CNTNAP2: variants seen among roughly 807,000 people sequenced by gnomAD.
The protein encoded by CNTNAP2 is contactin associated protein 2, also known as contactin-associated protein-like 2.
CNTNAP2 carries 98 observed loss-of-function variants against 155.2 expected under a neutral mutation model. The ratio of observed to expected loss-of-function variants is 0.63; its 90% CI spans 0.54 to 0.75. CNTNAP2 has a LOEUF of 0.75. Ranked by LOEUF, CNTNAP2 falls within the 30% of genes least tolerant of loss-of-function variation. The pLI is 0.00. For missense variants in CNTNAP2, 1,727 were observed against 1,688.1 expected (o/e 1.02, Z -0.40); for synonymous variants, 651 against 631.2 (o/e 1.03, Z -0.47).
Position 148,208,190 on chromosome 7 carries a change from AG to A in CNTNAP2, c.3011-9096del, listed in dbSNP as rs1291949480. On this transcript the variant is annotated intron_variant, in intron 18 of 23. Transcript: ENST00000361727. ...GTGCCCAAGAGAGAACAGATGCAAAAGGTTACGAGGCAATGCAAACAGAGAG... is the reference window on the plus strand; with the variant it reads ...GTGCCCAAGAGAGAACAGATGCAAAAGTTACGAGGCAATGCAAACAGAGAG... 2.6e-5 allele frequency among the ~76,000 whole-genome samples: 4 copies of A among 152,192 alleles called. No homozygotes were observed. In the East Asian group the frequency reaches 7.7e-4, roughly 29 times the overall value.
chr7:146,947,416 A>G (rs202165892), intron 3 of CNTNAP2, among the ~76,000 whole-genome samples: 2 of 135,960 alleles, frequency 1.5e-5, no homozygotes, highest in African/African-American at 5.7e-5. Flanking sequence ...CTCTCTATAT[A>G]TATATATATA....
At chr7:146,502,383 C>T (rs1232945063) in intron 1 of CNTNAP2, among the ~76,000 whole-genome samples, 1 of 151,114 alleles carries the variant, frequency 6.6e-6, no homozygotes, top group Non-Finnish European at 1.5e-5. Context: ...TACTGATTTC[C>T]TTTATTTTGG....
At chr7:146,223,115 C>T (rs1038260277) in intron 1 of CNTNAP2, among the ~76,000 whole-genome samples, 1 of 152,098 alleles carries the variant, frequency 6.6e-6, no homozygotes, top group Non-Finnish European at 1.5e-5. Context: ...GACACAAACC[C>T]ACACACCTTT....
intron 21 of CNTNAP2, among the ~76,000 whole-genome samples, chr7:148,310,647 G>A (rs1011695956): frequency 1.3e-5 from 2 of 152,146 alleles, no homozygotes; most frequent in African/African-American, 4.8e-5. Flanking sequence ...GGGTAAGGAA[G>A]ACTAGTGTGC....
chr7:147,822,038 C>A (rs537365381), intron 13 of CNTNAP2, among the ~76,000 whole-genome samples: 108 of 152,090 alleles, frequency 7.1e-4, no homozygotes, highest in African/African-American at 2.4e-3. Flanking sequence ...AGAAATGTCC[C>A]CCAAATGTTC....
intron 1 of CNTNAP2, among the ~76,000 whole-genome samples, chr7:146,754,300 A>G (rs533838766): frequency 2.4e-4 from 36 of 152,162 alleles, no homozygotes; most frequent in Admixed American, 1.5e-3. Flanking sequence ...GGTAGCATGT[A>G]TAGTTAAGCC....
intron 1 of CNTNAP2, among the ~76,000 whole-genome samples, chr7:146,223,283 T>A (rs1366906329): frequency 6.6e-6 from 1 of 152,212 alleles, no homozygotes; most frequent in African/African-American, 2.4e-5. Context: ...AACTGAAGCA[T>A]GCTAATAACG....
intron 10 of CNTNAP2, among the ~76,000 whole-genome samples, chr7:147,466,555 T>C (rs894723045): frequency 1.3e-4 from 20 of 152,160 alleles, no homozygotes; most frequent in Admixed American, 2.6e-4. Context: ...AGAAAATCTT[T>C]TGCTTCTGAG....
chr7:147,989,195 G>T (rs910514305), intron 15 of CNTNAP2, among the ~76,000 whole-genome samples: 13 of 152,324 alleles, frequency 8.5e-5, no homozygotes, highest in East Asian at 1.9e-4. Flanking sequence ...ACAAGGTGTG[G>T]CTGCTGCTAG....
intron 1 of CNTNAP2, among the ~76,000 whole-genome samples, chr7:146,248,220 G>T (rs191612071): frequency 6.6e-6 from 1 of 151,970 alleles, no homozygotes; most frequent in African/African-American, 2.4e-5. Flanking sequence ...TGGAGTATTT[G>T]CCCCTCCTCT....
Position 148,318,857 on chromosome 7 carries a change from T to C in CNTNAP2, c.3475+51731T>C, listed in dbSNP as rs115800885. ...GGAACACCGCTCTCTTTCTCTGCAA[T>C]GGAATGATGGTCAGAAAAGAACAGA... On this transcript the variant is annotated intron_variant, in intron 21 of 23. Transcript: ENST00000361727. 7.5e-3 allele frequency among the ~76,000 whole-genome samples: 1,147 copies of C among 152,302 alleles called. 19 individuals are homozygous for C. The highest frequency in any genetic ancestry group is 0.026 in the African/African-American group (1,080 of 41,562).
rs189513991 is a variant in CNTNAP2 at position 147,451,895 on chromosome 7, G to A, written c.1671-34040G>A. ...GGTAGGATATGTGCTATGACACAGG[G>A]CAAGTTTGGTGACCTCTTGCCGTCT... On this transcript the variant is annotated intron_variant, in intron 10 of 23. Transcript: ENST00000361727. 3.7e-3 allele frequency among the ~76,000 whole-genome samples: 563 copies of A among 152,292 alleles called. 3 individuals are homozygous for A. Among genetic ancestry groups the A allele is most frequent in the African/African-American group, 0.013 (524 of 41,554 alleles).
chr7:147,574,627 C>T (rs951819302), intron 12 of CNTNAP2, among the ~76,000 whole-genome samples: 2 of 78,436 alleles, frequency 2.5e-5, no homozygotes, highest in Admixed American at 1.4e-4. Flanking sequence ...TCTAAGGATA[C>T]GTTTTAAAAT....
At chr7:146,852,052 G>A (rs891404409) in intron 3 of CNTNAP2, among the ~76,000 whole-genome samples, 1 of 151,776 alleles carries the variant, frequency 6.6e-6, no homozygotes, top group Admixed American at 6.6e-5. Context: ...ACTTTACTCT[G>A]GTATGACCTC....
chr7:146,386,412 A>G (rs1795462521), intron 1 of CNTNAP2, among the ~76,000 whole-genome samples: 1 of 152,210 alleles, frequency 6.6e-6, no homozygotes, highest in African/African-American at 2.4e-5. Context: ...TTTTTGAAAC[A>G]GAGTCTAGCT....
chr7:147,140,234 G>A (rs1801565120), intron 8 of CNTNAP2, among the ~76,000 whole-genome samples: 1 of 151,928 alleles, frequency 6.6e-6, no homozygotes, highest in Admixed American at 6.6e-5. Context: ...CTTTCTTCTA[G>A]CACTTCCAGG....
intron 8 of CNTNAP2, among the ~76,000 whole-genome samples, chr7:147,170,114 T>C (rs1802196480): frequency 6.6e-6 from 1 of 152,136 alleles, no homozygotes; most frequent in Admixed American, 6.5e-5. Context: ...TATAGTCAGT[T>C]GACTTCATTT....
intron 16 of CNTNAP2, among the ~76,000 whole-genome samples, chr7:148,126,837 C>A (rs1261280247): frequency 3.3e-5 from 5 of 152,106 alleles, no homozygotes; most frequent in Non-Finnish European, 7.3e-5. Context: ...GAAGAATAGG[C>A]CAACTGTTCG....
chr7:148,099,427 G>C (rs777775363), intron 15 of CNTNAP2, among the ~76,000 whole-genome samples: 6 of 106,894 alleles, frequency 5.6e-5, no homozygotes, highest in Admixed American at 1.7e-4. Flanking sequence ...GCAATTGTGT[G>C]TGTGTGTGTG....
Sources: gnomAD v4.1 joint callset for allele counts (sites outside exome capture counted in the v4.1 genomes callset) on GRCh38, gnomAD v4.1.1 for gene constraint, MANE v1.5 for transcripts, NCBI Gene and HGNC (gene_info 2026-07-23, HGNC 2026-07-21) for gene names.